The following ZFP91 variants were observed in gnomAD, a reference collection of about 807,000 sequenced individuals.
The protein encoded by ZFP91 is E3 ubiquitin-protein ligase ZFP91.
A neutral mutation model predicts 63.5 loss-of-function variants in ZFP91; 7 were observed. The observed-to-expected ratio is 0.11, with a 90% CI of 0.06 to 0.21. The LOEUF (loss-of-function observed/expected upper bound fraction) is 0.21. ZFP91 is among the 10% of genes least tolerant of loss of function. The pLI is 1.00. For missense variants in ZFP91, 628 were observed against 736.6 expected (o/e 0.85, Z 1.71); for synonymous variants, 330 against 272.1 (o/e 1.21, Z -2.10).
rs141302458 is a variant in ZFP91 at position 58,607,273 on chromosome 11, A to G, written c.371-2557A>G. 3.2e-3 allele frequency among the ~76,000 whole-genome samples: 488 copies of G among 152,288 alleles called. 2 individuals carry two copies. Among genetic ancestry groups the G allele is most frequent in the African/African-American group, 0.011 (448 of 41,550 alleles). The stretch of plus-strand genomic sequence containing the variant: ...TTTTTGATGAAATTGTTTTAAAAGT[A>G]GTCATGACCTATATGTAAAAGTCCT... On this transcript the variant is annotated intron_variant, in intron 2 of 10. Coordinates refer to ENST00000316059, the MANE Select transcript of ZFP91 (RefSeq NM_053023.5).
Position 58,618,748 on chromosome 11 carries a change from CT to C in ZFP91, c.*1043del, listed in dbSNP as rs1855797331. 1 of 454,434 alleles carries C rather than the reference CT, an allele frequency of 2.2e-6. No homozygotes were observed. The highest frequency in any genetic ancestry group is 2.4e-5 in the Admixed American group (1 of 42,062). The allele number at this position is 454,434 out of a possible 1,614,324, so 28.2% of individuals were successfully genotyped here. A position where few individuals can be genotyped will look rare whatever the true frequency, so the allele number is the denominator to read the frequency against. Reference sequence around the variant, plus strand: ...GCTCTCCAGTGGCTTTTAAAGAAAGCTGGTCCTCAGCACTAACAAAATCACT... The same window carrying C: ...GCTCTCCAGTGGCTTTTAAAGAAAGCGGTCCTCAGCACTAACAAAATCACT... On this transcript the variant is annotated 3_prime_UTR_variant, in exon 11 of 11. Coordinates refer to ENST00000316059, the MANE Select transcript of ZFP91 (RefSeq NM_053023.5).
chr11:58,607,012 T>A (rs1855579730), intron 2 of ZFP91, among the ~76,000 whole-genome samples: 1 of 152,120 alleles, frequency 6.6e-6, no homozygotes, highest in Non-Finnish European at 1.5e-5. Context: ...TTATGCCTTA[T>A]TCATAATGGT....
chr11:58,592,309 A>G (rs1855321330), intron 2 of ZFP91, among the ~76,000 whole-genome samples: 1 of 151,128 alleles, frequency 6.6e-6, no homozygotes, highest in African/African-American at 2.4e-5. Flanking sequence ...CTGGTCTCAA[A>G]CTCCTGACCT....
chr11:58,591,572 T>A (rs1364455738), intron 2 of ZFP91, among the ~76,000 whole-genome samples: 7 of 152,192 alleles, frequency 4.6e-5, no homozygotes, highest in Admixed American at 4.6e-4. Context: ...AATAATGTCC[T>A]TCATGCCTGT....
Position 58,610,991 on chromosome 11 carries a change from G to A in ZFP91, c.659G>A (p.Ser220Asn). 1.2e-6 allele frequency: 2 copies of A among 1,613,206 alleles called. No individual in the cohort carries two copies. Among genetic ancestry groups the A allele is most frequent in the Non-Finnish European group, 1.7e-6 (2 of 1,179,724 alleles). ...EEEEEEEMLI[S>N]EEEIPFKDDP... ...GAGGAGGAAGAAGAGATGTTAATCAGTGAAGAGGAGATACCATTCAAAGAT... is the reference window on the plus strand; with the variant it reads ...GAGGAGGAAGAAGAGATGTTAATCAATGAAGAGGAGATACCATTCAAAGAT... The change falls in exon 5 of 11, where the codon AGT becomes AAT. Residue 220 changes from serine to asparagine, a missense_variant. Coordinates refer to ENST00000316059, the MANE Select transcript of ZFP91 (RefSeq NM_053023.5).
chr11:58,612,267 T>C lies in ZFP91; in HGVS notation c.858-11T>C, dbSNP rs779541281. The C allele has an allele frequency of 1.1e-5, 17 of 1,613,434 alleles. No individual in the cohort carries two copies. Among genetic ancestry groups the C allele is most frequent in the Non-Finnish European group, 1.4e-5 (16 of 1,179,578 alleles). Reference sequence around the variant, plus strand: ...AGAATATGTCTACTGTTACCCTGTCTTCAATTACAGGAGAGGAAGAAGACG... The same window carrying C: ...AGAATATGTCTACTGTTACCCTGTCCTCAATTACAGGAGAGGAAGAAGACG... On this transcript the variant is annotated splice_polypyrimidine_tract_variant and intron_variant, in intron 6 of 10. Coordinates refer to ENST00000316059, the MANE Select transcript of ZFP91 (RefSeq NM_053023.5).
chr11:58,616,709 T>G lies in ZFP91; in HGVS notation c.1103-7T>G. On this transcript the variant is annotated splice_polypyrimidine_tract_variant and splice_region_variant and intron_variant, in intron 9 of 10. Transcript: ENST00000316059. ...ATAGAACACTAACCACAGTATTTTC[T>G]TCATAGATCAAAGGGATTATATCTG... The G allele has an allele frequency of 6.2e-7, 1 of 1,612,586 alleles. No homozygotes were observed. The highest frequency in any genetic ancestry group is 2.2e-5 in the East Asian group (1 of 44,842).
At chr11:58,587,539 G>A (rs1345131370) in intron 2 of ZFP91, among the ~76,000 whole-genome samples, 2 of 152,150 alleles carry the variant, frequency 1.3e-5, no homozygotes, top group Non-Finnish European at 2.9e-5. Flanking sequence ...TTTACCACTG[G>A]CAGAGGATTA....
At position 58,618,822 on chromosome 11, in the gene ZFP91, G is replaced by C. The variant is rs1293141929; in HGVS notation, c.*1116G>C. ...GAAGCCTTTTTAGGGAAGAATGTTAGGTTCATGGTAACTAGTATGCTCTTT... is the reference window on the plus strand; with the variant it reads ...GAAGCCTTTTTAGGGAAGAATGTTACGTTCATGGTAACTAGTATGCTCTTT... On this transcript the variant is annotated 3_prime_UTR_variant, in exon 11 of 11. Transcript: ENST00000316059. 3 of 408,318 alleles carry C rather than the reference G, an allele frequency of 7.3e-6. No individual in the cohort carries two copies. The highest frequency in any genetic ancestry group is 1.4e-5 in the Non-Finnish European group (3 of 207,614). The allele number at this position is 408,318 out of a possible 1,614,324, so 25.3% of individuals were successfully genotyped here.
intron 2 of ZFP91, among the ~76,000 whole-genome samples, chr11:58,603,311 C>G (rs919429068): frequency 2.0e-5 from 3 of 152,180 alleles, no homozygotes; most frequent in Non-Finnish European, 2.9e-5. Context: ...GGAGCCAGCA[C>G]TTGATAATTT....
rs374066411 is a variant in ZFP91 at position 58,611,671 on chromosome 11, G to A, written c.790G>A (p.Val264Met). ...KEEKEKKEIK[V>M]EVEVEVKEEE... ...AGAGAAGGAGAAGAAGGAAATTAAA[G>A]TGGAAGTAGAGGTGGAGGTGAAAGA... The change falls in exon 6 of 11, where the codon GTG (valine) becomes ATG (methionine). Residue 264 changes from valine to methionine, a missense_variant. Val to Met is a conservative substitution (Grantham distance 21, BLOSUM62 1). Transcript: ENST00000316059. 7 of 1,612,860 alleles carry A rather than the reference G, an allele frequency of 4.3e-6. No homozygotes were observed. The highest frequency in any genetic ancestry group is 4.5e-5 in the East Asian group (2 of 44,766).
intron 9 of ZFP91, among the ~76,000 whole-genome samples, chr11:58,616,169 C>T (rs1855745412): frequency 6.6e-6 from 1 of 152,164 alleles, no homozygotes; most frequent in Non-Finnish European, 1.5e-5. Flanking sequence ...TATTTGATAG[C>T]AGCAACTCCA....
At position 58,610,939 on chromosome 11, in the gene ZFP91, CTTATTT is replaced by C. The variant is rs762032340; in HGVS notation, c.618-7_618-2del. ...AACCAGAATGTCTCATTTCTATTTACTTATTTTTAGTAGTGAAGAGGAAGAGGAGGA... is the reference window on the plus strand; with the variant it reads ...AACCAGAATGTCTCATTTCTATTTACTTAGTAGTGAAGAGGAAGAGGAGGA... On this transcript the variant is annotated splice_region_variant and splice_polypyrimidine_tract_variant and intron_variant, in intron 4 of 10. Transcript: ENST00000316059. 26 of 1,607,064 alleles carry C rather than the reference CTTATTT, an allele frequency of 1.6e-5. No individual in the cohort carries two copies. The East Asian group carries it at 4.9e-4, about 30-fold the overall frequency.
chr11:58,601,009 A>G (rs375399716), intron 2 of ZFP91, among the ~76,000 whole-genome samples: 7 of 152,168 alleles, frequency 4.6e-5, no homozygotes, highest in East Asian at 3.8e-4. Context: ...TCAATTGATT[A>G]TAGTGTTTAA....
At chr11:58,597,440 TG>T (rs919259445) in intron 2 of ZFP91, among the ~76,000 whole-genome samples, 3 of 152,192 alleles carry the variant, frequency 2.0e-5, no homozygotes, top group African/African-American at 7.2e-5. Context: ...TAACAGTGCC[TG>T]GGAACTTGTC....
chr11:58,585,789 C>T (rs766676270), intron 2 of ZFP91, among the ~76,000 whole-genome samples: 2 of 152,030 alleles, frequency 1.3e-5, no homozygotes, highest in Non-Finnish European at 1.5e-5. Context: ...AATAATTCTT[C>T]GAGAACGTAT....
At chr11:58,590,666 G>C (rs1855288941) in intron 2 of ZFP91, among the ~76,000 whole-genome samples, 1 of 152,150 alleles carries the variant, frequency 6.6e-6, no homozygotes, top group South Asian at 2.1e-4. Context: ...ACTCAGCAAT[G>C]TTTTGTACTT....
intron 1 of ZFP91, among the ~76,000 whole-genome samples, chr11:58,582,407 C>T (rs1199936594): frequency 6.6e-6 from 1 of 152,180 alleles, no homozygotes; most frequent in East Asian, 1.9e-4. Context: ...AAGGTTTATT[C>T]TGTATTACTT....
intron 2 of ZFP91, among the ~76,000 whole-genome samples, chr11:58,586,412 C>T (rs1301360277): frequency 6.6e-6 from 1 of 152,078 alleles, no homozygotes; most frequent in Non-Finnish European, 1.5e-5. Flanking sequence ...AAGTGATCCG[C>T]CTGCCTCGTG....
Sources: gnomAD v4.1 joint callset for allele counts (sites outside exome capture counted in the v4.1 genomes callset) on GRCh38, gnomAD v4.1.1 for gene constraint, MANE v1.5 for transcripts, NCBI Gene and HGNC (gene_info 2026-07-23, HGNC 2026-07-21) for gene names.